The following MEAK7 variants were observed in gnomAD, a reference collection of about 807,000 sequenced individuals.
The protein encoded by MEAK7 is MTOR-associated protein MEAK7.
Under a neutral mutation model 40.5 loss-of-function variants are expected in MEAK7, and 68 were observed. That is an observed-to-expected ratio of 1.68 (90% CI 1.38 to 2.06). The LOEUF (loss-of-function observed/expected upper bound fraction) is 2.06, where lower values mean the gene tolerates loss of function less well. Ranked by LOEUF, MEAK7 falls within the 30% of genes most tolerant of loss-of-function variation. MEAK7 has a pLI of 0.00. For synonymous variants in MEAK7, 338 were observed against 231.9 expected (o/e 1.46, Z -4.16); for missense variants, 918 against 580.5 (o/e 1.58, Z -5.98).
chr16:84,497,338 T>G (rs546134197), intron 2 of MEAK7: 168 of 1,132,606 alleles, frequency 1.5e-4, no homozygotes, highest in Non-Finnish European at 1.8e-4. Context: ...CAGTTTTAAC[T>G]CCCTGCAAGA....
At chr16:84,499,505 G>A (rs1914326283) in intron 1 of MEAK7, among the ~76,000 whole-genome samples, 1 of 152,154 alleles carries the variant, frequency 6.6e-6, no homozygotes, top group Non-Finnish European at 1.5e-5. Context: ...AGGGTAATCA[G>A]GATCTTTCTC....
At chr16:84,491,063 T>A (rs9926674) in intron 3 of MEAK7, among the ~76,000 whole-genome samples, 4,526 of 152,300 alleles carry the variant, frequency 0.03, 263 homozygotes, top group African/African-American at 0.1. Flanking sequence ...AGTTGGTTCA[T>A]TGAAAAGATC....
At chr16:84,486,214 G>C (rs749851553) in intron 5 of MEAK7, 1 of 168,704 alleles carries the variant, frequency 5.9e-6, no homozygotes, top group East Asian at 1.7e-4. Flanking sequence ...CTTTCATCCA[G>C]TGCATTCAAG....
At chr16:84,480,128 G>A (rs1227801686) in intron 7 of MEAK7, 102 bp from the exon 8 acceptor site, 5 of 969,564 alleles carry the variant, frequency 5.2e-6, no homozygotes, top group Non-Finnish European at 6.0e-6. Flanking sequence ...TCAGGCTCCG[G>A]TTCCCCCTAA....
At chr16:84,500,771 G>A (rs1273000426) in intron 1 of MEAK7, among the ~76,000 whole-genome samples, 6 of 152,110 alleles carry the variant, frequency 3.9e-5, no homozygotes, top group Admixed American at 6.6e-5. Context: ...GGGCTGCACC[G>A]GCTGAGTCTG....
chr16:84,486,625 T>G lies in MEAK7; in HGVS notation c.958+6A>C. 1 of 1,596,778 alleles carries G rather than the reference T, an allele frequency of 6.3e-7. No individual in the cohort carries two copies. Among genetic ancestry groups the G allele is most frequent in the Non-Finnish European group, 8.5e-7 (1 of 1,171,718 alleles). On this transcript the variant is annotated splice_donor_region_variant and intron_variant, in intron 5 of 7. Coordinates refer to ENST00000343629, the MANE Select transcript of MEAK7 (RefSeq NM_020947.4). Reference sequence around the variant, plus strand: ...ACTCGTCAAGGTTCAGGACACCAAGTCTTACCTTGAAACTGAGGCTTCACC... The same window carrying G: ...ACTCGTCAAGGTTCAGGACACCAAGGCTTACCTTGAAACTGAGGCTTCACC...
intron 1 of MEAK7, among the ~76,000 whole-genome samples, chr16:84,500,265 G>A (rs765534846): frequency 4.6e-5 from 7 of 152,170 alleles, no homozygotes; most frequent in Non-Finnish European, 7.3e-5. Flanking sequence ...GAATAGTGCT[G>A]CAATGAACAT....
intron 7 of MEAK7, 69 bp downstream of exon 7, chr16:84,480,460 G>T: frequency 6.7e-7 from 1 of 1,496,974 alleles, no homozygotes; most frequent in Non-Finnish European, 9.0e-7. Flanking sequence ...AGGGGTAATG[G>T]TAAGAAAATG....
intron 1 of MEAK7, among the ~76,000 whole-genome samples, chr16:84,500,858 G>A (rs1914439629): frequency 6.6e-6 from 1 of 152,102 alleles, no homozygotes; most frequent in South Asian, 2.1e-4. Context: ...AGCCTGCAAG[G>A]TGGGCCACAC....
chr16:84,494,848 G>A, intron 3 of MEAK7: 1 of 451,094 alleles, frequency 2.2e-6, no homozygotes, highest in Non-Finnish European at 4.4e-6. Flanking sequence ...AGACAAAGCA[G>A]GAAAAAATAA....
intron 6 of MEAK7, among the ~76,000 whole-genome samples, chr16:84,481,276 C>T (rs1035017682): frequency 2.0e-5 from 3 of 152,240 alleles, no homozygotes. Flanking sequence ...TCAATCTCAC[C>T]CTGCAGAGAA....
chr16:84,490,110 G>C (rs763554831), intron 3 of MEAK7, among the ~76,000 whole-genome samples: 2 of 152,196 alleles, frequency 1.3e-5, no homozygotes, highest in East Asian at 3.8e-4. Flanking sequence ...AACTGTGTGA[G>C]CGTGTGTTTG....
At position 84,487,019 on chromosome 16, in the gene MEAK7, G is replaced by A. The variant is rs1913147240; in HGVS notation, c.570C>T (p.Asp190=). The change falls in exon 5 of 8, where the codon GAC becomes GAT. Residue 190 remains aspartate (D), a synonymous_variant. Coordinates refer to ENST00000343629, the MANE Select transcript of MEAK7 (RefSeq NM_020947.4). The part of the protein sequence containing the change: ...RLLGPQWLDY[D]CDRAVIEDWV... ...AGTCCTCGATCACAGCTCGGTCACA[G>A]TCATAGTCCAGCCACTGGGGCCCCA... 1.2e-6 allele frequency: 2 copies of A among 1,613,906 alleles called. No homozygotes were observed. The highest frequency in any genetic ancestry group is 1.7e-5 in the Admixed American group (1 of 59,994).
At chr16:84,495,959 G>T (rs1285364183) in intron 2 of MEAK7, 46 bp from the exon 3 acceptor site, 1 of 1,595,106 alleles carries the variant, frequency 6.3e-7, no homozygotes. Flanking sequence ...TGCACAAGTT[G>T]AACTTGGTTA....
rs1321231021 is a variant in MEAK7 at position 84,486,984 on chromosome 16, C to G, written c.605G>C (p.Arg202Thr). The change falls in exon 5 of 8, where the codon AGG becomes ACG. Residue 202 changes from arginine to threonine, a missense_variant. Physicochemically the swap from Arg to Thr is moderately conservative, Grantham distance 71. Transcript: ENST00000343629. ...CAGGAATATGGCCACATGGGGGACC[C>G]TGAACACCCAGTCCTCGATCACAGC... ...DRAVIEDWVF[R>T]VPHVAIFLSV... is the part of the protein sequence containing the mutation. 6.2e-7 allele frequency: 1 copy of G among 1,614,050 alleles called. No individual in the cohort carries two copies. Among genetic ancestry groups the G allele is most frequent in the Non-Finnish European group, 8.5e-7 (1 of 1,180,038 alleles).
At chr16:84,487,629 C>T (rs1487172852) in intron 4 of MEAK7, 2 of 153,982 alleles carry the variant, frequency 1.3e-5, no homozygotes, top group African/African-American at 2.4e-5. Context: ...GGGACTCCTG[C>T]AGTTTATCTG....
At chr16:84,480,840 T>C in intron 6 of MEAK7, 132 bp from the exon 7 acceptor site, 1 of 997,260 alleles carries the variant, frequency 1.0e-6, no homozygotes, top group Non-Finnish European at 1.4e-6. Flanking sequence ...AATGCCATCA[T>C]CTTGTTTTCC....
chr16:84,502,263 G>C (rs932057873), intron 1 of MEAK7, among the ~76,000 whole-genome samples: 1 of 152,178 alleles, frequency 6.6e-6, no homozygotes, highest in Non-Finnish European at 1.5e-5. Flanking sequence ...GCAATGACTG[G>C]AAAAGTGTGT....
At chr16:84,480,811 C>T (rs989530354) in intron 6 of MEAK7, 103 bp from the exon 7 acceptor site, 1 of 1,328,968 alleles carries the variant, frequency 7.5e-7, no homozygotes, top group African/African-American at 1.5e-5. Flanking sequence ...CAGCCTGAGA[C>T]AGGGGCGGGT....
Sources: allele counts gnomAD v4.1 joint callset (sites outside exome capture counted in the v4.1 genomes callset), GRCh38; gene constraint gnomAD v4.1.1; transcripts MANE v1.5; gene names NCBI Gene and HGNC (gene_info 2026-07-23, HGNC 2026-07-21).